The following SLC25A30 variants were observed in gnomAD, a reference collection of about 807,000 sequenced individuals.
SLC25A30 encodes the protein solute carrier family 25 member 30.
In SLC25A30, 29 loss-of-function variants were observed where a neutral mutation model predicts 42.7. The ratio of observed to expected loss-of-function variants is 0.68; its 90% CI spans 0.51 to 0.93. The LOEUF is 0.93. Among genes scored for constraint, SLC25A30 ranks in the 40% least tolerant of loss-of-function variants. SLC25A30 has a pLI of 0.00. For synonymous variants in SLC25A30, 124 were observed against 131.0 expected (o/e 0.95, Z 0.37); for missense variants, 300 against 359.7 (o/e 0.83, Z 1.34).
intron 2 of SLC25A30, 35 bp from the exon 3 acceptor site, chr13:45,409,109 G>T (rs1882782567): frequency 6.6e-7 from 1 of 1,526,258 alleles, no homozygotes. Context: ...TTAATAAAAA[G>T]AAATTCCACT....
upstream of SLC25A30, among the ~76,000 whole-genome samples, chr13:45,423,341 G>A (rs1439155012): frequency 6.6e-6 from 1 of 151,342 alleles, no homozygotes; most frequent in Admixed American, 6.7e-5. Flanking sequence ...CTCATGTGAA[G>A]TCTGGTGAGC....
At chr13:45,434,001 G>A in the SLC25A30 span, among the ~76,000 whole-genome samples, 1 of 152,188 alleles carries the variant, frequency 6.6e-6, no homozygotes, top group Non-Finnish European at 1.5e-5. Flanking sequence ...GTTCATGCCT[G>A]TAATCCCAGC....
At chr13:45,421,941 G>A (rs1411479104), upstream of SLC25A30, among the ~76,000 whole-genome samples, 1 of 152,148 alleles carries the variant, frequency 6.6e-6, no homozygotes, top group Non-Finnish European at 1.5e-5. Context: ...CACTTCTCAA[G>A]TAGCTGGGCT....
intron 6 of SLC25A30, among the ~76,000 whole-genome samples, chr13:45,402,059 CAAAA>C (rs66565783): frequency 0.034 from 2,809 of 83,762 alleles, 87 homozygotes; most frequent in African/African-American, 0.11. Flanking sequence ...GACTCCATCT[CAAAA>C]AAAAAAAAAA....
chr13:45,396,350 G>T, intron 9 of SLC25A30: 1 of 1,148,864 alleles, frequency 8.7e-7, no homozygotes, highest in Non-Finnish European at 1.1e-6. Flanking sequence ...GAGAGAGTTA[G>T]CAAGCCCTGG....
At chr13:45,425,571 T>G in the SLC25A30 span, among the ~76,000 whole-genome samples, 3 of 103,740 alleles carry the variant, frequency 2.9e-5, no homozygotes, top group East Asian at 4.6e-4. Flanking sequence ...TAAATATATA[T>G]AAGTATATAT....
intron 1 of SLC25A30, among the ~76,000 whole-genome samples, chr13:45,416,944 G>T (rs774643496): frequency 1.3e-5 from 2 of 152,108 alleles, no homozygotes; most frequent in Non-Finnish European, 1.5e-5. Context: ...GACCTCATGT[G>T]TACAGCTGTA....
At chr13:45,418,179 G>C (rs1329936336) in intron 1 of SLC25A30, 121 bp downstream of exon 1, 1 of 152,440 alleles carries the variant, frequency 6.6e-6, no homozygotes, top group Non-Finnish European at 1.5e-5. Flanking sequence ...AGGCAGCCCC[G>C]AGCACGCCCG....
chr13:45,430,768 C>T, the SLC25A30 span, among the ~76,000 whole-genome samples: 1 of 152,260 alleles, frequency 6.6e-6, no homozygotes, highest in African/African-American at 2.4e-5. Flanking sequence ...GATCATGCCA[C>T]TGCACTTCAG....
upstream of SLC25A30, chr13:45,420,291 C>T (rs1258455206): frequency 6.6e-6 from 1 of 152,158 alleles, no homozygotes; most frequent in African/African-American, 2.4e-5. Context: ...TTCTGTGCTC[C>T]AACTTGGACT....
At chr13:45,425,101 A>ATATGT in the SLC25A30 span, among the ~76,000 whole-genome samples, 1 of 9,034 alleles carries the variant, frequency 1.1e-4, no homozygotes, top group Non-Finnish European at 2.1e-4. Context: ...TATATTTATA[A>ATATGT]ATATATAAAT....
chr13:45,415,522 G>C (rs1231153381), intron 1 of SLC25A30, among the ~76,000 whole-genome samples: 3 of 152,042 alleles, frequency 2.0e-5, no homozygotes, highest in African/African-American at 7.2e-5. Flanking sequence ...AGGTGGAGGA[G>C]GGTGGATCAC....
intron 1 of SLC25A30, among the ~76,000 whole-genome samples, chr13:45,416,669 G>C (rs1883564855): frequency 6.6e-6 from 1 of 152,112 alleles, no homozygotes; most frequent in South Asian, 2.1e-4. Context: ...TACTCCGCAG[G>C]CTGAGGTGGA....
At chr13:45,429,404 A>G in the SLC25A30 span, among the ~76,000 whole-genome samples, 1 of 151,940 alleles carries the variant, frequency 6.6e-6, no homozygotes, top group Non-Finnish European at 1.5e-5. Flanking sequence ...TCTTTCATGT[A>G]TGTGTCCCCT....
intron 1 of SLC25A30, among the ~76,000 whole-genome samples, chr13:45,413,089 A>G (rs1475111641): frequency 1.3e-5 from 2 of 152,232 alleles, no homozygotes; most frequent in Non-Finnish European, 2.9e-5. Flanking sequence ...GGGCACCTTG[A>G]ATAAATCTAT....
At chr13:45,425,110 A>G in the SLC25A30 span, among the ~76,000 whole-genome samples, 15 of 74,212 alleles carry the variant, frequency 2.0e-4, no homozygotes, top group Non-Finnish European at 3.0e-4. Flanking sequence ...AAATATATAA[A>G]TATATTTATA....
At chr13:45,424,871 T>TAAAC in the SLC25A30 span, among the ~76,000 whole-genome samples, 1 of 56,492 alleles carries the variant, frequency 1.8e-5, no homozygotes, top group Non-Finnish European at 3.2e-5. Context: ...TAAAAATATA[T>TAAAC]ATAAATATAT....
At chr13:45,428,669 C>T in the SLC25A30 span, among the ~76,000 whole-genome samples, 4 of 151,568 alleles carry the variant, frequency 2.6e-5, no homozygotes, top group African/African-American at 2.4e-5. Context: ...ATTACAGGTA[C>T]GCACCACCAT....
chr13:45,425,081 A>T, the SLC25A30 span, among the ~76,000 whole-genome samples: 41 of 30,456 alleles, frequency 1.3e-3, 10 homozygotes, highest in African/African-American at 6.8e-3. Context: ...CATATATATA[A>T]ATATATAAAT....
Sources: gnomAD v4.1 joint callset for allele counts (sites outside exome capture counted in the v4.1 genomes callset) on GRCh38, gnomAD v4.1.1 for gene constraint, MANE v1.5 for transcripts, NCBI Gene and HGNC (gene_info 2026-07-23, HGNC 2026-07-21) for gene names.